The following USP42 variants were observed in gnomAD, a reference collection of about 807,000 sequenced individuals.
The protein encoded by USP42 is ubiquitin specific peptidase 42.
In USP42, 23 loss-of-function variants were observed where a neutral mutation model predicts 113.0. The observed-to-expected ratio is 0.20, with a 90% CI of 0.15 to 0.29. The LOEUF (loss-of-function observed/expected upper bound fraction) is 0.29. USP42 is among the 10% of genes least tolerant of loss of function. The pLI is 1.00. For synonymous variants in USP42, 933 were observed against 699.0 expected, an observed-to-expected ratio of 1.33 and a Z score of -5.28; for missense variants, 2,174 against 1,779.8, an observed-to-expected ratio of 1.22 and a Z score of -3.99.
intron 1 of USP42, among the ~76,000 whole-genome samples, chr7:6,110,454 A>G (rs1457659249): frequency 2.0e-5 from 3 of 152,220 alleles, no homozygotes; most frequent in African/African-American, 7.2e-5. Flanking sequence ...TCAGAAAGAA[A>G]ATTATAATCA....
chr7:6,084,889 T>C, the USP42 span, among the ~76,000 whole-genome samples: 1 of 150,254 alleles, frequency 6.7e-6, no homozygotes, highest in African/African-American at 2.5e-5. Context: ...TGGCTAATGT[T>C]TACATTTTTA....
rs768255907 is a variant in USP42 at position 6,147,725 on chromosome 7, C to T, written c.1233-14C>T. On this transcript the variant is annotated splice_polypyrimidine_tract_variant and intron_variant, in intron 11 of 17. Coordinates refer to ENST00000306177, the MANE Select transcript of USP42 (RefSeq NM_032172.3). ...GTCCTGTGTCACCCTAAGTATCGCT[C>T]TCCTTGTTTCCAGGTCCCATGATGT... The T allele has an allele frequency of 3.2e-6, 5 of 1,566,938 alleles. No individual in the cohort carries two copies. Among genetic ancestry groups the T allele is most frequent in the Non-Finnish European group, 4.4e-6 (5 of 1,148,992 alleles).
intron 17 of USP42, among the ~76,000 whole-genome samples, chr7:6,160,282 A>G (rs1228069210): frequency 6.6e-6 from 1 of 152,192 alleles, no homozygotes; most frequent in Non-Finnish European, 1.5e-5. Context: ...CTAATTAAGG[A>G]GCTAAACTTC....
At chr7:6,108,037 A>C (rs1779387189) in intron 1 of USP42, among the ~76,000 whole-genome samples, 1 of 152,150 alleles carries the variant, frequency 6.6e-6, no homozygotes, top group South Asian at 2.1e-4. Flanking sequence ...TACAAAAATT[A>C]GCCGGGTGTG....
At chr7:6,085,686 C>T in the USP42 span, among the ~76,000 whole-genome samples, 2 of 149,288 alleles carry the variant, frequency 1.3e-5, 1 homozygote, top group African/African-American at 5.1e-5. Flanking sequence ...ATAATCTCAG[C>T]TCACCAGAGC....
intron 2 of USP42, among the ~76,000 whole-genome samples, chr7:6,114,710 A>T (rs1345439546): frequency 4.2e-5 from 1 of 23,614 alleles, no homozygotes; most frequent in Non-Finnish European, 8.0e-5. Flanking sequence ...TTTTTTTGAG[A>T]CGGAGTCTCT....
chr7:6,140,829 C>A, intron 6 of USP42, 85 bp from the exon 7 acceptor site: 1 of 812,882 alleles, frequency 1.2e-6, no homozygotes, highest in Non-Finnish European at 2.0e-6. Context: ...TTTTAAATTT[C>A]AAAATTGTAT....
At chr7:6,137,251 C>T (rs1223935534) in intron 4 of USP42, among the ~76,000 whole-genome samples, 1 of 152,226 alleles carries the variant, frequency 6.6e-6, no homozygotes, top group African/African-American at 2.4e-5. Flanking sequence ...TGGCCCTTGG[C>T]ATTATTGATA....
intron 1 of USP42, among the ~76,000 whole-genome samples, chr7:6,110,202 T>C (rs979065216): frequency 5.3e-5 from 8 of 152,102 alleles, no homozygotes; most frequent in Non-Finnish European, 7.3e-5. Flanking sequence ...TTTAGAAATA[T>C]CCCTAAAAGC....
At chr7:6,110,129 C>T (rs975186903) in intron 1 of USP42, among the ~76,000 whole-genome samples, 12 of 152,152 alleles carry the variant, frequency 7.9e-5, no homozygotes, top group Non-Finnish European at 4.4e-5. Flanking sequence ...CCACCGCGCC[C>T]GGCCTCCTGA....
At chr7:6,152,024 C>G (rs1351457644) in intron 14 of USP42, among the ~76,000 whole-genome samples, 1 of 152,062 alleles carries the variant, frequency 6.6e-6, no homozygotes, top group African/African-American at 2.4e-5. Context: ...AAAACCTGCC[C>G]CACAATTTAA....
At position 6,125,955 on chromosome 7, in the gene USP42, C is replaced by G. The variant is rs185361126; in HGVS notation, c.443-9886C>G. Among the ~76,000 whole-genome samples, 716 of 152,172 alleles carry G rather than the reference C, an allele frequency of 4.7e-3. 2 individuals are homozygous for G. Among genetic ancestry groups the G allele is most frequent in the South Asian group, 0.016 (78 of 4,818 alleles). ...CCATGTACCCTTACTGAACCTCCCC[C>G]AGTGATAACACTGTAATGGAATATC... On this transcript the variant is annotated intron_variant, in intron 3 of 17. Coordinates refer to ENST00000306177, the MANE Select transcript of USP42 (RefSeq NM_032172.3).
chr7:6,146,023 C>G, intron 10 of USP42, 125 bp from the exon 11 acceptor site: 1 of 774,622 alleles, frequency 1.3e-6, no homozygotes, highest in Non-Finnish European at 2.1e-6. Context: ...GATCACGCCA[C>G]TGCACTCCAG....
At chr7:6,131,864 C>T (rs953244675) in intron 3 of USP42, among the ~76,000 whole-genome samples, 1 of 152,140 alleles carries the variant, frequency 6.6e-6, no homozygotes, top group Admixed American at 6.5e-5. Flanking sequence ...ACCTCTATTC[C>T]GTCTCCCAGA....
At position 6,157,821 on chromosome 7, in the gene USP42, CCTGCCAGGTGTCCTGGATTCTCTT is replaced by C. The variant is rs1329507825; in HGVS notation, c.3943+772_3943+795del. 6.6e-6 allele frequency among the ~76,000 whole-genome samples: 1 copy of C among 152,146 alleles called. No homozygotes were observed. The highest frequency in any genetic ancestry group is 2.4e-5 in the African/African-American group (1 of 41,438). The stretch of plus-strand genomic sequence containing the variant: ...TCCATGTGGCAGAGCGCTGGCTGCC[CCTGCCAGGTGTCCTGGATTCTCTT>C]CTGCCCTGTGGGGCTGTGTCTCCGT... On this transcript the variant is annotated intron_variant, in intron 16 of 17. Transcript: ENST00000306177. The surrounding 1 kb of genome is among the most constrained non-coding windows in gnomAD (Gnocchi z 4.1).
chr7:6,150,912 G>C (rs1325815863), intron 14 of USP42, among the ~76,000 whole-genome samples: 1 of 152,186 alleles, frequency 6.6e-6, no homozygotes, highest in African/African-American at 2.4e-5. Flanking sequence ...GTCCACAACA[G>C]GGATGCCTTC....
intron 3 of USP42, among the ~76,000 whole-genome samples, chr7:6,121,813 C>T (rs748518510): frequency 6.6e-6 from 1 of 152,148 alleles, no homozygotes; most frequent in Non-Finnish European, 1.5e-5. Context: ...TGTGCATCAC[C>T]ACACACAGCT....
chr7:6,117,321 G>A (rs528407226), intron 3 of USP42, among the ~76,000 whole-genome samples: 2 of 151,978 alleles, frequency 1.3e-5, no homozygotes, highest in Non-Finnish European at 1.5e-5. Context: ...ATATTATCTC[G>A]CTTCTTTCAC....
At chr7:6,128,577 G>C (rs1161176680) in intron 3 of USP42, among the ~76,000 whole-genome samples, 1 of 152,118 alleles carries the variant, frequency 6.6e-6, no homozygotes, top group Non-Finnish European at 1.5e-5. Context: ...CATTTTGTGA[G>C]TCTGTGTCTT....
Sources: gnomAD v4.1 joint callset for allele counts (sites outside exome capture counted in the v4.1 genomes callset) on GRCh38, gnomAD v4.1.1 for gene constraint, Gnocchi (gnomAD v3.1) non-coding constraint, MANE v1.5 for transcripts, NCBI Gene and HGNC (gene_info 2026-07-23, HGNC 2026-07-21) for gene names.